Variants in EAF2 observed in about 807,000 individuals in gnomAD.
EAF2 encodes the protein ELL associated factor 2, also known as ELL-associated factor 2.
A neutral mutation model predicts 29.4 loss-of-function variants in EAF2; 29 were observed. That is an observed-to-expected ratio of 0.99 (90% CI 0.73 to 1.35). The LOEUF (loss-of-function observed/expected upper bound fraction) is 1.35. Ranked by LOEUF, EAF2 falls within the 40% of genes most tolerant of loss-of-function variation. EAF2 has a pLI of 0.00. For missense variants in EAF2, 292 were observed against 312.0 expected, an observed-to-expected ratio of 0.94 and a Z score of 0.48; for synonymous variants, 103 against 102.5, an observed-to-expected ratio of 1.00 and a Z score of -0.03.
At chr3:121,836,686 T>C (rs1279745710) in intron 1 of EAF2, 1 of 987,748 alleles carries the variant, frequency 1.0e-6, no homozygotes, top group Non-Finnish European at 1.2e-6. Flanking sequence ...CTCTGCAGTT[T>C]CTCTCTCTTC....
intron 5 of EAF2, among the ~76,000 whole-genome samples, chr3:121,875,008 A>T (rs998244096): frequency 6.6e-6 from 1 of 151,954 alleles, no homozygotes; most frequent in Non-Finnish European, 1.5e-5. Context: ...CTTTCAGGGA[A>T]AGGTATAATA....
intron 1 of EAF2, among the ~76,000 whole-genome samples, chr3:121,838,836 C>G (rs1444192878): frequency 1.3e-5 from 2 of 152,158 alleles, no homozygotes; most frequent in African/African-American, 4.8e-5. Context: ...CTCTCATCTC[C>G]TAATACTGCT....
chr3:121,855,413 T>C (rs1036327178), intron 3 of EAF2, among the ~76,000 whole-genome samples: 20 of 152,168 alleles, frequency 1.3e-4, no homozygotes, highest in African/African-American at 4.8e-4. Context: ...GAAGTAATGG[T>C]AGATTGGAAA....
chr3:121,876,161 A>G (rs892770372), intron 5 of EAF2, among the ~76,000 whole-genome samples: 1 of 152,060 alleles, frequency 6.6e-6, no homozygotes, highest in South Asian at 2.1e-4. Flanking sequence ...CTTAAAAACT[A>G]CAGAGAAGAC....
chr3:121,885,098 G>C (rs992639053), intron 5 of EAF2, among the ~76,000 whole-genome samples: 2 of 152,132 alleles, frequency 1.3e-5, no homozygotes, highest in Non-Finnish European at 2.9e-5. Context: ...AATTGAACTT[G>C]TGATTTTTCT....
At chr3:121,841,504 CAA>C (rs57868658) in intron 1 of EAF2, among the ~76,000 whole-genome samples, 37 of 25,974 alleles carry the variant, frequency 1.4e-3, no homozygotes, top group Non-Finnish European at 2.1e-3. Context: ...GACCCTGTCT[CAA>C]AAAAAAAAAA....
At chr3:121,872,860 T>C (rs1709040679) in intron 5 of EAF2, 72 bp downstream of exon 5, 1 of 1,540,570 alleles carries the variant, frequency 6.5e-7, no homozygotes, top group East Asian at 2.3e-5. Flanking sequence ...TGTGACCTAA[T>C]ATTTGGATAA....
Position 121,872,634 on chromosome 3 carries a change from T to C in EAF2, c.582T>C (p.Ser194=), listed in dbSNP as rs1322969201. ...CATCTTCAAGTAGTGAGGATAGTTC[T>C]AGTGACTCAGAAGATGAAGATTGCA... ...SSSSSSSEDS[S]SDSEDEDCKS... The change falls in exon 5 of 6, where the codon TCT becomes TCC. Residue 194 remains serine (S), a synonymous_variant. Transcript: ENST00000273668. 6.2e-7 allele frequency: 1 copy of C among 1,612,908 alleles called. No individual in the cohort carries two copies. The highest frequency in any genetic ancestry group is 1.3e-5 in the African/African-American group (1 of 74,864).
At chr3:121,879,722 C>T (rs535877488) in intron 5 of EAF2, among the ~76,000 whole-genome samples, 2 of 151,440 alleles carry the variant, frequency 1.3e-5, no homozygotes, top group South Asian at 2.1e-4. Context: ...AATCAATTGA[C>T]TATAAATATG....
chr3:121,886,279 G>T (rs1389836071), intron 5 of EAF2, 63 bp from the exon 6 acceptor site: 2 of 1,116,024 alleles, frequency 1.8e-6, no homozygotes, highest in Non-Finnish European at 1.2e-6. Context: ...TAAAATTTGT[G>T]TTATGCAAAA....
At chr3:121,878,400 G>A (rs899016137) in intron 5 of EAF2, among the ~76,000 whole-genome samples, 1 of 151,850 alleles carries the variant, frequency 6.6e-6, no homozygotes, top group Admixed American at 6.6e-5. Context: ...CTTTTTGGGG[G>A]GTTAAGAACA....
intron 4 of EAF2, among the ~76,000 whole-genome samples, chr3:121,867,239 T>C (rs1196018574): frequency 6.6e-6 from 1 of 152,124 alleles, no homozygotes; most frequent in Non-Finnish European, 1.5e-5. Context: ...TTTAAATAAA[T>C]ATGTGCAAAA....
At chr3:121,860,068 A>T (rs559213704) in intron 4 of EAF2, among the ~76,000 whole-genome samples, 7 of 152,110 alleles carry the variant, frequency 4.6e-5, no homozygotes, top group Admixed American at 4.6e-4. Flanking sequence ...GCTGGATTCA[A>T]TTTGCCAGTA....
intron 4 of EAF2, among the ~76,000 whole-genome samples, chr3:121,865,337 A>G (rs1422882766): frequency 6.6e-6 from 1 of 152,236 alleles, no homozygotes; most frequent in Non-Finnish European, 1.5e-5. Context: ...CTAACTTAGT[A>G]TGAGAATGGA....
intron 4 of EAF2, among the ~76,000 whole-genome samples, chr3:121,869,029 C>T (rs1708969353): frequency 6.6e-6 from 1 of 152,154 alleles, no homozygotes; most frequent in Admixed American, 6.5e-5. Flanking sequence ...TGTATCTGAC[C>T]ATAATGGATT....
At chr3:121,877,575 A>C (rs1374469979) in intron 5 of EAF2, among the ~76,000 whole-genome samples, 2 of 151,956 alleles carry the variant, frequency 1.3e-5, no homozygotes, top group Non-Finnish European at 2.9e-5. Context: ...TTTAGACCTA[A>C]ATTTCAAAGC....
At chr3:121,855,842 A>G (rs1054299169) in intron 3 of EAF2, among the ~76,000 whole-genome samples, 1 of 152,230 alleles carries the variant, frequency 6.6e-6, no homozygotes, top group Non-Finnish European at 1.5e-5. Context: ...AGAAATTAGG[A>G]CATTATCTTG....
At chr3:121,874,263 A>C (rs1709061927) in intron 5 of EAF2, among the ~76,000 whole-genome samples, 1 of 151,892 alleles carries the variant, frequency 6.6e-6, no homozygotes. Flanking sequence ...GGAGAAGCCA[A>C]GACTGAGAGG....
At chr3:121,865,946 C>T (rs1708918376) in intron 4 of EAF2, among the ~76,000 whole-genome samples, 1 of 152,152 alleles carries the variant, frequency 6.6e-6, no homozygotes, top group African/African-American at 2.4e-5. Flanking sequence ...CCCCCCTGCC[C>T]TATTAACCTA....
Sources: allele counts gnomAD v4.1 joint callset (sites outside exome capture counted in the v4.1 genomes callset), GRCh38; gene constraint gnomAD v4.1.1; transcripts MANE v1.5; gene names NCBI Gene and HGNC (gene_info 2026-07-23, HGNC 2026-07-21).